Variants in KHDRBS2 observed in about 807,000 individuals in gnomAD.
KHDRBS2 encodes the protein KH RNA binding domain containing, signal transduction associated 2, also known as KH domain-containing, RNA-binding, signal transduction-associated protein 2.
In KHDRBS2, 26 loss-of-function variants were observed where a neutral mutation model predicts 44.3. The ratio of observed to expected loss-of-function variants is 0.59; its 90% CI spans 0.43 to 0.81. The LOEUF (loss-of-function observed/expected upper bound fraction) is 0.81. Among genes scored for constraint, KHDRBS2 ranks in the 40% least tolerant of loss-of-function variants. KHDRBS2 has a pLI of 0.00. For synonymous variants in KHDRBS2, 194 were observed against 151.1 expected (o/e 1.28, Z -2.08); for missense variants, 476 against 433.1 (o/e 1.10, Z -0.88).
chr6:61,710,982 T>A (rs1049320895), intron 7 of KHDRBS2, among the ~76,000 whole-genome samples: 1 of 149,584 alleles, frequency 6.7e-6, no homozygotes, highest in Non-Finnish European at 1.5e-5. Context: ...GTGTTCCTAA[T>A]GCAGAAGCCC....
chr6:61,743,534 T>C (rs2127565045), intron 6 of KHDRBS2, among the ~76,000 whole-genome samples: 1 of 152,278 alleles, frequency 6.6e-6, no homozygotes, highest in East Asian at 1.9e-4. Context: ...GGATTTTACC[T>C]GTTAAAACAT....
At chr6:61,784,303 A>G (rs1483932194) in intron 6 of KHDRBS2, among the ~76,000 whole-genome samples, 7 of 151,854 alleles carry the variant, frequency 4.6e-5, no homozygotes, top group Admixed American at 2.0e-4. Context: ...GTAATTGGAT[A>G]AGTTTAAAAA....
At chr6:61,867,551 G>A (rs1237675839) in intron 6 of KHDRBS2, among the ~76,000 whole-genome samples, 1 of 152,204 alleles carries the variant, frequency 6.6e-6, no homozygotes, top group Non-Finnish European at 1.5e-5. Flanking sequence ...TGAGTTTTCA[G>A]TGGTTTTGCA....
chr6:61,737,085 A>C (rs1775480927), intron 6 of KHDRBS2, among the ~76,000 whole-genome samples: 1 of 152,134 alleles, frequency 6.6e-6, no homozygotes, highest in Admixed American at 6.6e-5. Flanking sequence ...GGATTAACAC[A>C]AATTAATCAC....
the KHDRBS2 span, among the ~76,000 whole-genome samples, chr6:61,592,579 T>C: frequency 0.62 from 93,612 of 152,088 alleles, 29,045 homozygotes; most frequent in Non-Finnish European, 0.65. Flanking sequence ...TGCAAATATT[T>C]TCCATAAAAG....
At chr6:61,682,881 G>A (rs1363735266) in intron 8 of KHDRBS2, among the ~76,000 whole-genome samples, 1 of 151,880 alleles carries the variant, frequency 6.6e-6, no homozygotes, top group Non-Finnish European at 1.5e-5. Flanking sequence ...CATTCAGTGT[G>A]TGCAAGCTTG....
chr6:62,092,543 G>A (rs952624556), intron 2 of KHDRBS2, among the ~76,000 whole-genome samples: 3 of 152,056 alleles, frequency 2.0e-5, no homozygotes, highest in Non-Finnish European at 4.4e-5. Flanking sequence ...TCTGCCCGTG[G>A]GCAAAATGGA....
At chr6:62,254,933 C>T (rs1216108776) in intron 1 of KHDRBS2, among the ~76,000 whole-genome samples, 1 of 152,012 alleles carries the variant, frequency 6.6e-6, no homozygotes. Context: ...TAGTAAAGTA[C>T]ACAGCACATT....
the KHDRBS2 span, among the ~76,000 whole-genome samples, chr6:61,651,209 C>CAG: frequency 6.6e-6 from 1 of 152,012 alleles, no homozygotes; most frequent in Non-Finnish European, 1.5e-5. Flanking sequence ...GACTTAGGGA[C>CAG]AGAGTGAGCA....
chr6:61,564,814 G>A, the KHDRBS2 span, among the ~76,000 whole-genome samples: 2 of 151,744 alleles, frequency 1.3e-5, no homozygotes, highest in Non-Finnish European at 2.9e-5. Context: ...GACAAAAAAA[G>A]GTCCCATTCT....
intron 6 of KHDRBS2, among the ~76,000 whole-genome samples, chr6:61,827,152 C>T (rs78014142): frequency 1.4e-3 from 211 of 152,220 alleles, no homozygotes; most frequent in African/African-American, 4.9e-3. Context: ...ATAGTTTCAC[C>T]CATTAGGTAA....
At chr6:61,848,532 C>CATATATATGTATATATATATAT (rs1794888927) in intron 6 of KHDRBS2, among the ~76,000 whole-genome samples, 1 of 28,220 alleles carries the variant, frequency 3.5e-5, no homozygotes, top group Non-Finnish European at 6.2e-5. Flanking sequence ...TATATATATA[C>CATATATATGTATATATATATAT]ATATATATGT....
intron 6 of KHDRBS2, among the ~76,000 whole-genome samples, chr6:61,822,436 A>G (rs1462925926): frequency 6.6e-6 from 1 of 151,894 alleles, no homozygotes; most frequent in Non-Finnish European, 1.5e-5. Context: ...CAGTACCTTC[A>G]GCCTTGTATT....
chr6:61,783,272 T>A (rs752282483), intron 6 of KHDRBS2, among the ~76,000 whole-genome samples: 17 of 152,134 alleles, frequency 1.1e-4, no homozygotes, highest in Non-Finnish European at 2.4e-4. Context: ...TCCTAGAATG[T>A]CTTGGTCTTT....
At chr6:62,001,911 G>A (rs562277782) in intron 3 of KHDRBS2, among the ~76,000 whole-genome samples, 4 of 152,160 alleles carry the variant, frequency 2.6e-5, no homozygotes, top group Admixed American at 2.6e-4. Context: ...GGCTTTTACT[G>A]AAAGAAGGTT....
intron 6 of KHDRBS2, among the ~76,000 whole-genome samples, chr6:61,893,086 A>G (rs1162046910): frequency 1.3e-5 from 2 of 152,222 alleles, no homozygotes; most frequent in Non-Finnish European, 2.9e-5. Context: ...CAAGTGGGCA[A>G]AGGATATGAA....
At chr6:61,563,761 A>G in the KHDRBS2 span, among the ~76,000 whole-genome samples, 1 of 152,124 alleles carries the variant, frequency 6.6e-6, no homozygotes, top group Non-Finnish European at 1.5e-5. Context: ...TATTGTTGAG[A>G]TCTAGTCATA....
At chr6:61,840,045 A>G (rs1407626627) in intron 6 of KHDRBS2, among the ~76,000 whole-genome samples, 1 of 152,060 alleles carries the variant, frequency 6.6e-6, no homozygotes, top group Non-Finnish European at 1.5e-5. Context: ...TTATAATAAT[A>G]TTTGTCTTCA....
At chr6:62,156,400 G>A (rs1177324237) in intron 2 of KHDRBS2, among the ~76,000 whole-genome samples, 1 of 151,962 alleles carries the variant, frequency 6.6e-6, no homozygotes, top group East Asian at 1.9e-4. Flanking sequence ...TGGCCAGTTC[G>A]GTAGACTTAG....
Sources: allele counts gnomAD v4.1 joint callset (sites outside exome capture counted in the v4.1 genomes callset), GRCh38; gene constraint gnomAD v4.1.1; transcripts MANE v1.5; gene names NCBI Gene and HGNC (gene_info 2026-07-23, HGNC 2026-07-21).